The following FRMPD3 variants were observed in gnomAD, a reference collection of about 807,000 sequenced individuals.
FRMPD3 encodes the protein FERM and PDZ domain-containing protein 3.
A neutral mutation model predicts 97.9 loss-of-function variants in FRMPD3; 42 were observed. That is an observed-to-expected ratio of 0.43 (90% confidence interval 0.34 to 0.55). The LOEUF is 0.55. Among genes scored for constraint, FRMPD3 ranks in the 20% least tolerant of loss-of-function variants. The pLI is 0.03. For synonymous variants in FRMPD3, 577 were observed against 581.1 expected, an observed-to-expected ratio of 0.99 and a Z score of 0.10; for missense variants, 1,303 against 1,457.7, an observed-to-expected ratio of 0.89 and a Z score of 1.73.
chrX:107,597,803 A>G lies in FRMPD3; in HGVS notation c.1924A>G (p.Met642Val). The G allele has an allele frequency of 8.5e-7, 1 of 1,181,741 alleles. No individual in the cohort carries two copies. Among genetic ancestry groups the G allele is most frequent in the Non-Finnish European group, 1.1e-6 (1 of 881,121 alleles). The change falls in exon 14 of 15, where the codon ATG (methionine) becomes GTG (valine). Residue 642 changes from methionine to valine, a missense_variant. Physicochemically the swap from Met to Val is conservative, Grantham distance 21. Transcript: ENST00000683843. The part of the protein sequence containing the change: ...GSSRDNIVDL[M>V]SLPPPGSEEE... Reference sequence around the variant, plus strand: ...CTCTCGTGACAATATAGTAGATTTGATGTCCCTCCCACCACCTGGGAGTGA... The same window carrying G: ...CTCTCGTGACAATATAGTAGATTTGGTGTCCCTCCCACCACCTGGGAGTGA...
chrX:107,517,794 A>G (rs1255269730), intron 1 of FRMPD3, among the ~76,000 whole-genome samples: 1 of 93,841 alleles, frequency 1.1e-5, no homozygotes, highest in Non-Finnish European at 2.1e-5. Flanking sequence ...AAGAAAAGAA[A>G]AGAAGGAAAG....
intron 9 of FRMPD3, 27 bp downstream of exon 9, chrX:107,560,420 T>TG (rs892163626): frequency 2.5e-6 from 3 of 1,202,590 alleles, no homozygotes; most frequent in Non-Finnish European, 3.4e-6. Context: ...CCCGTTGGGA[T>TG]GGGGGGCGAA....
chrX:107,490,894 A>C (rs933690813), intron 1 of FRMPD3, among the ~76,000 whole-genome samples: 2 of 112,005 alleles, frequency 1.8e-5, no homozygotes, highest in East Asian at 5.6e-4. Flanking sequence ...TCAAGTTCTC[A>C]GATGCTGGAT....
Position 107,487,103 on chromosome X carries a change from A to T in FRMPD3, c.-8+37098A>T, listed in dbSNP as rs371390276. 1.9e-4 allele frequency among the ~76,000 whole-genome samples: 21 copies of T among 108,548 alleles called. No individual in the cohort carries two copies. In the East Asian group the frequency reaches 4.6e-3, roughly 24 times the overall value. The allele number at this position is 108,548 out of a possible 115,157, so 94.3% of individuals were successfully genotyped here. ...CTACTAAAAATACAAAAAAAAAAAA[A>T]AATAACTGAGCGTGGTGGCGGGCGC... On this transcript the variant is annotated intron_variant, in intron 1 of 14. Coordinates refer to ENST00000683843, the MANE Select transcript of FRMPD3 (RefSeq NM_001388459.1).
chrX:107,528,993 C>T (rs1032771343), intron 2 of FRMPD3, among the ~76,000 whole-genome samples: 3 of 113,071 alleles, frequency 2.7e-5, no homozygotes, highest in Non-Finnish European at 5.6e-5. Flanking sequence ...GGAATTTGGG[C>T]AGCCCCCTTC....
intron 11 of FRMPD3, among the ~76,000 whole-genome samples, chrX:107,564,683 T>C (rs2147601758): frequency 8.9e-6 from 1 of 112,413 alleles, no homozygotes; most frequent in African/African-American, 3.2e-5. Flanking sequence ...TTTGGACCCA[T>C]AATCTGGGGC....
In FRMPD3 at chrX:107,595,894, C is replaced by T. The variant is rs1351735186; in HGVS notation, c.1442-1427C>T. ...CAGAGGCTGCAGTGAGCCGAGGTCG[C>T]ACCACTGGACTCTAGCCCAGGCAAC... On this transcript the variant is annotated intron_variant, in intron 13 of 14. Coordinates refer to ENST00000683843, the MANE Select transcript of FRMPD3 (RefSeq NM_001388459.1). Among the ~76,000 whole-genome samples the T allele has an allele frequency of 9.6e-5, 10 of 103,914 alleles. 1 individual carries two copies. The highest frequency in any genetic ancestry group is 3.6e-4 in the African/African-American group (10 of 28,065). The allele number at this position is 103,914 out of a possible 115,157, so 90.2% of individuals were successfully genotyped here. A position where few individuals can be genotyped will look rare whatever the true frequency, so the allele number is the denominator to read the frequency against.
At chrX:107,492,534 C>T (rs1039459531) in intron 1 of FRMPD3, among the ~76,000 whole-genome samples, 2 of 111,485 alleles carry the variant, frequency 1.8e-5, no homozygotes, top group Non-Finnish European at 3.8e-5. Flanking sequence ...ACTGCAGAGC[C>T]CTTAATAGTC....
At chrX:107,524,758 C>T (rs774823013) in intron 1 of FRMPD3, among the ~76,000 whole-genome samples, 5 of 110,770 alleles carry the variant, frequency 4.5e-5, no homozygotes, top group East Asian at 2.9e-4. Flanking sequence ...TTTGGGAGGC[C>T]GAGGCGGGTG....
intron 10 of FRMPD3, among the ~76,000 whole-genome samples, chrX:107,562,824 G>A (rs146947718): frequency 1.5e-3 from 171 of 112,302 alleles, no homozygotes; most frequent in African/African-American, 4.4e-3. Context: ...TAGGTGGGGC[G>A]TCAGTTAGTT....
intron 13 of FRMPD3, among the ~76,000 whole-genome samples, chrX:107,589,334 A>G (rs752538515): frequency 1.8e-5 from 2 of 109,898 alleles, no homozygotes; most frequent in African/African-American, 6.6e-5. Context: ...TTTTCTTTCA[A>G]TGGTCAGGTC....
At chrX:107,515,483 G>C (rs1036266757) in intron 1 of FRMPD3, among the ~76,000 whole-genome samples, 8 of 111,538 alleles carry the variant, frequency 7.2e-5, no homozygotes, top group Admixed American at 5.7e-4. Flanking sequence ...CAGAGTGATA[G>C]ATGTGGAAGC....
chrX:107,533,119 C>T (rs971131874), intron 3 of FRMPD3, among the ~76,000 whole-genome samples: 61 of 111,818 alleles, frequency 5.5e-4, no homozygotes, highest in Non-Finnish European at 6.0e-4. Context: ...GTACGTGGTT[C>T]CCAGGACTCT....
chrX:107,520,193 G>A (rs1922460993), intron 1 of FRMPD3, among the ~76,000 whole-genome samples: 1 of 111,194 alleles, frequency 9.0e-6, no homozygotes, highest in Non-Finnish European at 1.9e-5. Context: ...TAGAAAGCCA[G>A]TTCTGGGGCT....
chrX:107,507,647 G>A (rs1922069284), intron 1 of FRMPD3, among the ~76,000 whole-genome samples: 1 of 112,679 alleles, frequency 8.9e-6, no homozygotes. Flanking sequence ...GGAGAAGCAA[G>A]ACCACCCTTC....
intron 1 of FRMPD3, among the ~76,000 whole-genome samples, chrX:107,513,975 G>T: frequency 8.9e-6 from 1 of 112,180 alleles, no homozygotes; most frequent in East Asian, 2.8e-4. Context: ...GGTTGCAATA[G>T]TAGAGAATAA....
At chrX:107,535,638 A>G (rs963482097) in intron 4 of FRMPD3, among the ~76,000 whole-genome samples, 1 of 102,320 alleles carries the variant, frequency 9.8e-6, no homozygotes, top group Non-Finnish European at 2.0e-5. Context: ...GCACCACTGC[A>G]CTCCAGCCTG....
At chrX:107,529,786 A>C (rs1209857555) in intron 2 of FRMPD3, among the ~76,000 whole-genome samples, 2 of 111,542 alleles carry the variant, frequency 1.8e-5, no homozygotes, top group Non-Finnish European at 3.8e-5. Flanking sequence ...AGTATGAATA[A>C]TATTCAAGTA....
intron 2 of FRMPD3, among the ~76,000 whole-genome samples, chrX:107,529,542 G>C (rs756645146): frequency 4.5e-4 from 50 of 110,653 alleles, no homozygotes; most frequent in African/African-American, 1.6e-3. Context: ...CCGAGATCAC[G>C]CCACTGCACT....
Sources: gnomAD v4.1 joint callset for allele counts (sites outside exome capture counted in the v4.1 genomes callset) on GRCh38, gnomAD v4.1.1 for gene constraint, MANE v1.5 for transcripts, NCBI Gene and HGNC (gene_info 2026-07-23, HGNC 2026-07-21) for gene names.